Variants in CLEC7A observed in about 807,000 individuals in gnomAD.
The protein encoded by CLEC7A is C-type lectin domain family 7 member A.
A neutral mutation model predicts 26.9 loss-of-function variants in CLEC7A; 25 were observed. The observed-to-expected ratio is 0.93, with a 90% confidence interval of 0.68 to 1.30. CLEC7A has a LOEUF of 1.30. Among genes scored for constraint, CLEC7A ranks in the 50% most tolerant of loss-of-function variants. The pLI, the probability that CLEC7A is intolerant of heterozygous loss-of-function variation, is 0.00. For missense variants in CLEC7A, 275 were observed against 286.7 expected (o/e 0.96, Z 0.29); for synonymous variants, 100 against 99.5 (o/e 1.01, Z -0.03).
At chr12:10,123,200 C>G in intron 5 of CLEC7A, 45 bp downstream of exon 5, 1 of 1,269,978 alleles carries the variant, frequency 7.9e-7, no homozygotes, top group Non-Finnish European at 1.1e-6. Context: ...GAGATGGAAA[C>G]CTCTCTGAGA....
intron 5 of CLEC7A, among the ~76,000 whole-genome samples, chr12:10,120,815 T>C (rs12813148): frequency 0.8 from 115,966 of 145,346 alleles, 47,202 homozygotes; most frequent in Middle Eastern, 0.87. Flanking sequence ...AGTGCAGTGG[T>C]GCGATCTCGG....
rs375341575 is a variant in CLEC7A, at chr12:10,126,705, A to G, written c.206T>C (p.Ile69Thr). The G allele has an allele frequency of 6.3e-5, 101 of 1,607,698 alleles. No homozygotes were observed. The African/African-American group carries it at 1.2e-3, about 20-fold the overall frequency. Reference protein sequence around the residue: ...VIAVVLGTMAIWRSNSGSNTL... With the variant: ...VIAVVLGTMATWRSNSGSNTL... The stretch of plus-strand genomic sequence containing the variant: ...GTTGCTTCCTGAATTGGATCTCCAA[A>G]TAGCTTCACATACCAACAATAATAA... The change falls in exon 3 of 6, where the codon ATT becomes ACT. Residue 69 changes from isoleucine to threonine, a missense_variant. By Grantham distance (89) the Ile-to-Thr change is moderately conservative. Coordinates refer to ENST00000304084, the MANE Select transcript of CLEC7A (RefSeq NM_197947.3).
intron 5 of CLEC7A, among the ~76,000 whole-genome samples, chr12:10,119,982 A>G (rs1418857952): frequency 6.6e-6 from 1 of 152,152 alleles, no homozygotes; most frequent in Non-Finnish European, 1.5e-5. Flanking sequence ...TACGTGTTGA[A>G]ATAATAGATT....
chr12:10,130,047 T>A lies in CLEC7A; in HGVS notation c.36A>T (p.Glu12Asp), dbSNP rs780024327. The A allele has an allele frequency of 6.2e-7, 1 of 1,608,630 alleles. No homozygotes were observed. Among genetic ancestry groups the A allele is most frequent in the South Asian group, 1.1e-5 (1 of 90,906 alleles). ...EYHPDLENLDEDGYTQLHFDS... is the reference protein window; with the variant it reads ...EYHPDLENLDDDGYTQLHFDS... The stretch of plus-strand genomic sequence containing the variant: ...CGAAGTGTAATTGAGTATATCCATC[T>A]TCATCCAAATTTTCTAAATCAGGAT... The change falls in exon 1 of 6, where the codon GAA (glutamate) becomes GAT (aspartate). Residue 12 changes from glutamate to aspartate, a missense_variant. Glu to Asp is a conservative substitution (Grantham distance 45, BLOSUM62 2). Transcript: ENST00000304084.
intron 1 of CLEC7A, among the ~76,000 whole-genome samples, chr12:10,129,187 C>T (rs138735057): frequency 9.8e-5 from 15 of 152,288 alleles, no homozygotes; most frequent in Non-Finnish European, 2.1e-4. Context: ...TTTTCCATCA[C>T]TGGTATACCA....
At chr12:10,126,933 G>T in intron 2 of CLEC7A, 33 of 807,424 alleles carry the variant, frequency 4.1e-5, no homozygotes, top group South Asian at 5.2e-5. Context: ...AAAAAGAAAA[G>T]AAAAAAGAAG....
Position 10,117,244 on chromosome 12 carries a change from T to C in CLEC7A, c.*1214A>G, listed in dbSNP as rs1947938279. On this transcript the variant is annotated 3_prime_UTR_variant, in exon 6 of 6. Transcript: ENST00000304084. Reference sequence around the variant, plus strand: ...CCTACAATTACATATTATACAAGATTCTAGGCTGGGTGCAGTGGCTCACGC... The same window carrying C: ...CCTACAATTACATATTATACAAGATCCTAGGCTGGGTGCAGTGGCTCACGC... 1.3e-5 allele frequency: 2 copies of C among 152,192 alleles called. No homozygotes were observed. The highest frequency in any genetic ancestry group is 1.3e-4 in the Admixed American group (2 of 15,272). The allele number at this position is 152,192 out of a possible 1,614,324, so 9.4% of individuals were successfully genotyped here.
chr12:10,126,205 A>G lies in CLEC7A; in HGVS notation c.340+366T>C, dbSNP rs1425817136. The G allele has an allele frequency of 5.1e-6, 5 of 984,184 alleles. No individual in the cohort carries two copies. The African/African-American group carries it at 5.2e-5, about 10-fold the overall frequency. 61.0% of individuals were successfully genotyped at this position (984,184 alleles called of 1,614,324 possible). The stretch of plus-strand genomic sequence containing the variant: ...CTTCCTTTCTAATGTCATATTTCCT[A>G]TTCTAACTGTATCGCATTTAAAATG... On this transcript the variant is annotated intron_variant, in intron 3 of 5. Coordinates refer to ENST00000304084, the MANE Select transcript of CLEC7A (RefSeq NM_197947.3).
At chr12:10,127,205 T>A (rs771114492) in intron 2 of CLEC7A, 4 of 1,150,040 alleles carry the variant, frequency 3.5e-6, no homozygotes, top group Non-Finnish European at 4.8e-6. Context: ...AAAATATTAA[T>A]CCATTACAAA....
At chr12:10,128,233 CACACACACACA>C (rs1948368630) in intron 1 of CLEC7A, among the ~76,000 whole-genome samples, 4 of 144,554 alleles carry the variant, frequency 2.8e-5, no homozygotes, top group African/African-American at 8.7e-5. Flanking sequence ...CACACACACA[CACACACACACA>C]CACCACCAAC....
At chr12:10,120,055 A>G (rs1384701441) in intron 5 of CLEC7A, among the ~76,000 whole-genome samples, 1 of 152,204 alleles carries the variant, frequency 6.6e-6, no homozygotes, top group Non-Finnish European at 1.5e-5. Context: ...AAAAGACTTA[A>G]TAGAGGCTTT....
Position 10,120,577 on chromosome 12 carries a change from C to T in CLEC7A, c.612-1987G>A, listed in dbSNP as rs74865349. ...TGCATAAATCTGTGCGCCACCTTGTCTGTCTAATTTTTATATCTTTTTTTT... is the reference window on the plus strand; with the variant it reads ...TGCATAAATCTGTGCGCCACCTTGTTTGTCTAATTTTTATATCTTTTTTTT... On this transcript the variant is annotated intron_variant, in intron 5 of 5. Transcript: ENST00000304084. Among the ~76,000 whole-genome samples the T allele has an allele frequency of 1.9e-4, 28 of 150,908 alleles. No individual in the cohort carries two copies. The East Asian group carries it at 4.1e-3, about 22-fold the overall frequency.
At chr12:10,127,385 C>G in intron 2 of CLEC7A, 2 of 1,611,842 alleles carry the variant, frequency 1.2e-6, no homozygotes, top group South Asian at 2.2e-5. Flanking sequence ...CTTTCTTCTT[C>G]AGCTCCGCTT....
intron 5 of CLEC7A, among the ~76,000 whole-genome samples, chr12:10,119,711 G>A (rs1298690330): frequency 1.3e-5 from 2 of 152,134 alleles, no homozygotes; most frequent in African/African-American, 2.4e-5. Context: ...AGACCTGGTG[G>A]TGAGAACAGA....
At chr12:10,120,554 C>T (rs576771017) in intron 5 of CLEC7A, among the ~76,000 whole-genome samples, 1 of 150,530 alleles carries the variant, frequency 6.6e-6, no homozygotes, top group Non-Finnish European at 1.5e-5. Context: ...ATACTAACTG[C>T]ATAAATCTGT....
At chr12:10,128,564 T>G (rs570946601) in intron 1 of CLEC7A, among the ~76,000 whole-genome samples, 2 of 152,312 alleles carry the variant, frequency 1.3e-5, no homozygotes, top group East Asian at 3.9e-4. Flanking sequence ...GTTTGTTGCA[T>G]GACCCTGGGC....
In CLEC7A at chr12:10,123,373, A is replaced by G. The variant is rs369160278; in HGVS notation, c.493-10T>C. On this transcript the variant is annotated splice_polypyrimidine_tract_variant and intron_variant, in intron 4 of 5. Coordinates refer to ENST00000304084, the MANE Select transcript of CLEC7A (RefSeq NM_197947.3). Reference sequence around the variant, plus strand: ...GTTTTACTATAAATCCCTGTAATGAAACATATACAAATATATAATAAAGAG... The same window carrying G: ...GTTTTACTATAAATCCCTGTAATGAGACATATACAAATATATAATAAAGAG... 20 of 1,344,770 alleles carry G rather than the reference A, an allele frequency of 1.5e-5. No homozygotes were observed. In the African/African-American group the frequency reaches 2.7e-4, roughly 18 times the overall value. The allele number at this position is 1,344,770 out of a possible 1,614,324, so 83.3% of individuals were successfully genotyped here.
chr12:10,127,273 A>G, intron 2 of CLEC7A: 1 of 1,451,978 alleles, frequency 6.9e-7, no homozygotes, highest in Non-Finnish European at 9.3e-7. Flanking sequence ...AGGTGTTTAT[A>G]TTAAAGATCG....
At position 10,117,737 on chromosome 12, in the gene CLEC7A, T is replaced by C. The variant is rs978703310; in HGVS notation, c.*721A>G. ...TTCATTTAGCTATTCAGAAATATAT[T>C]TCACCCTCAGTTCATAACTGATATA... On this transcript the variant is annotated 3_prime_UTR_variant, in exon 6 of 6. Transcript: ENST00000304084. 2 of 152,140 alleles carry C rather than the reference T, an allele frequency of 1.3e-5. No homozygotes were observed. The highest frequency in any genetic ancestry group is 6.6e-5 in the Admixed American group (1 of 15,264). The allele number at this position is 152,140 out of a possible 1,614,324, so 9.4% of individuals were successfully genotyped here.
Sources: gnomAD v4.1 joint callset for allele counts (sites outside exome capture counted in the v4.1 genomes callset) on GRCh38, gnomAD v4.1.1 for gene constraint, MANE v1.5 for transcripts, NCBI Gene and HGNC (gene_info 2026-07-23, HGNC 2026-07-21) for gene names.